The following WWOX variants were observed in gnomAD, a reference collection of about 807,000 sequenced individuals.
The protein encoded by WWOX is WW domain-containing oxidoreductase.
Under a neutral mutation model 46.2 loss-of-function variants are expected in WWOX, and 69 were observed. The observed-to-expected ratio is 1.49, with a 90% CI of 1.23 to 1.82. WWOX has a LOEUF of 1.82. Ranked by LOEUF, WWOX falls within the 40% of genes most tolerant of loss-of-function variation. The probability of loss-of-function intolerance (pLI) is 0.00; values close to 1 mark genes in which losing one functional copy is unlikely to be tolerated. For synonymous variants in WWOX, 359 were observed against 202.6 expected (o/e 1.77, Z -6.56); for missense variants, 919 against 542.6 (o/e 1.69, Z -6.89).
chr16:78,831,094 C>T (rs530296120), intron 8 of WWOX, among the ~76,000 whole-genome samples: 3 of 152,276 alleles, frequency 2.0e-5, no homozygotes, highest in East Asian at 3.9e-4. Context: ...GTTCCTAGCC[C>T]TCCAGAGCTT....
chr16:78,142,220 G>A (rs796513370), intron 4 of WWOX, among the ~76,000 whole-genome samples: 4 of 152,194 alleles, frequency 2.6e-5, no homozygotes, highest in African/African-American at 9.6e-5. Flanking sequence ...GAATTGAGTT[G>A]AGGCTTTGCA....
At chr16:79,053,250 T>A (rs1216612836) in intron 8 of WWOX, among the ~76,000 whole-genome samples, 1 of 152,118 alleles carries the variant, frequency 6.6e-6, no homozygotes, top group African/African-American at 2.4e-5. Context: ...AATTACAAAG[T>A]CTTTGCTTTT....
intron 5 of WWOX, among the ~76,000 whole-genome samples, chr16:78,321,426 A>T (rs1179807450): frequency 2.1e-5 from 3 of 142,164 alleles, no homozygotes; most frequent in African/African-American, 2.6e-5. Context: ...GTGTGTATAT[A>T]TATATATAAA....
chr16:78,799,962 G>A (rs1010690700), intron 8 of WWOX, among the ~76,000 whole-genome samples: 15 of 152,172 alleles, frequency 9.9e-5, no homozygotes, highest in Middle Eastern at 3.4e-3. Flanking sequence ...CTTCCCCCGC[G>A]TCTGGCATTG....
intron 8 of WWOX, among the ~76,000 whole-genome samples, chr16:78,460,307 T>A (rs888536844): frequency 6.6e-6 from 1 of 152,140 alleles, no homozygotes; most frequent in African/African-American, 2.4e-5. Context: ...TTTCTATTTT[T>A]AGTAGAGGCG....
At chr16:78,385,161 A>ACACACACACACACAC (rs1555530195) in intron 5 of WWOX, among the ~76,000 whole-genome samples, 1 of 151,536 alleles carries the variant, frequency 6.6e-6, no homozygotes, top group South Asian at 2.1e-4. Context: ...ACACACACAC[A>ACACACACACACACAC]AAAGCACAGG....
intron 5 of WWOX, among the ~76,000 whole-genome samples, chr16:78,335,637 T>C (rs935342547): frequency 2.6e-5 from 4 of 152,154 alleles, no homozygotes; most frequent in Admixed American, 6.5e-5. Context: ...ATTATAAAGG[T>C]ACATGCACAT....
At chr16:78,321,173 A>G (rs2080458933) in intron 5 of WWOX, among the ~76,000 whole-genome samples, 1 of 151,752 alleles carries the variant, frequency 6.6e-6, no homozygotes, top group Non-Finnish European at 1.5e-5. Context: ...CTTAATTGAA[A>G]ATGTATCTTT....
At chr16:78,391,123 C>G (rs138709704) in intron 6 of WWOX, among the ~76,000 whole-genome samples, 1 of 152,166 alleles carries the variant, frequency 6.6e-6, no homozygotes, top group Non-Finnish European at 1.5e-5. Context: ...GAACCACCCG[C>G]CGTCTGCCTT....
chr16:78,455,048 C>T (rs1010265894), intron 8 of WWOX, among the ~76,000 whole-genome samples: 4 of 152,132 alleles, frequency 2.6e-5, no homozygotes, highest in Admixed American at 1.3e-4. Context: ...CTATGGGTGC[C>T]TACCTTAGAA....
At position 78,343,355 on chromosome 16, in the gene WWOX, A is replaced by C. The variant is rs1471618946; in HGVS notation, c.517-43505A>C. On this transcript the variant is annotated intron_variant, in intron 5 of 8. Coordinates refer to ENST00000566780, the MANE Select transcript of WWOX (RefSeq NM_016373.4). ...TTGCTTCTAGGCACATTAAACGGTC[A>C]GTGCACAGGTCCTCATTTTTCTCAT... Among the ~76,000 whole-genome samples, 2 of 121,346 alleles carry C rather than the reference A, an allele frequency of 1.6e-5. 1 individual carries two copies. The highest frequency in any genetic ancestry group is 5.6e-5 in the African/African-American group (2 of 35,748). The allele number at this position is 121,346 out of a possible 152,430, so 79.6% of individuals were successfully genotyped here.
Position 79,084,470 on chromosome 16 carries a change from G to A in WWOX, c.1057-127138G>A, listed in dbSNP as rs201474833. Among the ~76,000 whole-genome samples the A allele has an allele frequency of 1.4e-4, 21 of 152,224 alleles. No homozygotes were observed. In the East Asian group the frequency reaches 3.9e-3, roughly 28 times the overall value. ...GAGTCTCGCTCTGTTGCCCAGGGTAGAGTGCAGTGGTACAGTCTCGGCTCA... is the reference window on the plus strand; with the variant it reads ...GAGTCTCGCTCTGTTGCCCAGGGTAAAGTGCAGTGGTACAGTCTCGGCTCA... On this transcript the variant is annotated intron_variant, in intron 8 of 8. Coordinates refer to ENST00000566780, the MANE Select transcript of WWOX (RefSeq NM_016373.4).
intron 8 of WWOX, among the ~76,000 whole-genome samples, chr16:79,154,272 C>A (rs556553659): frequency 6.6e-6 from 1 of 152,094 alleles, no homozygotes; most frequent in East Asian, 1.9e-4. Flanking sequence ...GTGAGGTCAC[C>A]GTGGGAATGG....
intron 8 of WWOX, among the ~76,000 whole-genome samples, chr16:78,887,518 C>CACACACACACACAT (rs1199309440): frequency 3.3e-4 from 49 of 147,336 alleles, no homozygotes; most frequent in African/African-American, 1.2e-3. Context: ...CACACACACA[C>CACACACACACACAT]AAGAAATGAC....
chr16:78,452,302 T>A (rs1210313950), intron 8 of WWOX, among the ~76,000 whole-genome samples: 1 of 151,370 alleles, frequency 6.6e-6, no homozygotes, highest in African/African-American at 2.4e-5. Context: ...ATTTTTTCAA[T>A]TTTTTTTTAC....
Position 78,145,546 on chromosome 16 carries a change from C to T in WWOX, c.410-18637C>T, listed in dbSNP as rs1175394380. Among the ~76,000 whole-genome samples the T allele has an allele frequency of 1.1e-4, 17 of 152,132 alleles. 1 individual carries two copies. The highest frequency in any genetic ancestry group is 1.0e-3 in the Admixed American group (16 of 15,274). On this transcript the variant is annotated intron_variant, in intron 4 of 8. Transcript: ENST00000566780. ...GCCTGCTTTTCTCTTGGCTCGCTGG[C>T]AGCTGATTAGATGGTACCAACCCAA...
chr16:78,220,179 G>C (rs4888764), intron 5 of WWOX, among the ~76,000 whole-genome samples: 2 of 151,952 alleles, frequency 1.3e-5, no homozygotes, highest in African/African-American at 4.8e-5. Context: ...GGGATTTTGT[G>C]TGATAGTTTC....
At chr16:78,477,553 T>G (rs1438648010) in intron 8 of WWOX, among the ~76,000 whole-genome samples, 1 of 152,148 alleles carries the variant, frequency 6.6e-6, no homozygotes, top group East Asian at 1.9e-4. Flanking sequence ...GCTTGTGTGA[T>G]AGGATTATGG....
chr16:78,805,549 C>G (rs1424068297), intron 8 of WWOX, among the ~76,000 whole-genome samples: 1 of 151,348 alleles, frequency 6.6e-6, no homozygotes, highest in Non-Finnish European at 1.5e-5. Flanking sequence ...TCCCAAAGTG[C>G]TGGGATTACA....
Sources: gnomAD v4.1 joint callset for allele counts (sites outside exome capture counted in the v4.1 genomes callset) on GRCh38, gnomAD v4.1.1 for gene constraint, MANE v1.5 for transcripts, NCBI Gene and HGNC (gene_info 2026-07-23, HGNC 2026-07-21) for gene names.